UPF2: variants seen among roughly 807,000 people sequenced by gnomAD.
UPF2 encodes regulator of nonsense transcripts 2.
Under a neutral mutation model 141.4 loss-of-function variants are expected in UPF2, and 17 were observed. The ratio of observed to expected loss-of-function variants is 0.12; its 90% CI spans 0.08 to 0.18. The LOEUF (loss-of-function observed/expected upper bound fraction) is 0.18. Among genes scored for constraint, UPF2 ranks in the 10% least tolerant of loss-of-function variants. The pLI, the probability that UPF2 is intolerant of heterozygous loss-of-function variation, is 1.00. For synonymous variants in UPF2, 540 were observed against 498.0 expected (o/e 1.08, Z -1.12); for missense variants, 1,152 against 1,515.9 (o/e 0.76, Z 3.99).
intron 18 of UPF2, among the ~76,000 whole-genome samples, chr10:11,937,373 AATG>A (rs1435810300): frequency 4.6e-5 from 7 of 152,210 alleles, no homozygotes; most frequent in African/African-American, 1.7e-4. Context: ...ATACAGAAAC[AATG>A]ATGATGATAC....
At position 12,035,297 on chromosome 10, in the gene UPF2, G is replaced by C; in HGVS notation, c.127C>G (p.Leu43Val). The change falls in exon 2 of 22, where the codon CTC (leucine) becomes GTC (valine). Residue 43 changes from leucine (L) to valine (V), a missense_variant. By Grantham distance (32) the Leu-to-Val change is conservative. Around this residue, in one of 4 missense-constraint regions of UPF2, gnomAD observed 145 missense variants for 136.5 expected, o/e 1.06. Transcript: ENST00000357604. ...TTGCTGACCTCCTTCTTGGCAGTGA[G>C]CTTGATATCGTCTTTTGGCCTCTCC... The part of the protein sequence containing the change: ...SKERPKDDIK[L>V]TAKKEVSKAP... 1 of 1,613,998 alleles carries C rather than the reference G, an allele frequency of 6.2e-7. No individual in the cohort carries two copies. Among genetic ancestry groups the C allele is most frequent in the Non-Finnish European group, 8.5e-7 (1 of 1,180,012 alleles).
At chr10:11,954,688 A>G (rs923166168) in intron 14 of UPF2, among the ~76,000 whole-genome samples, 17 of 148,660 alleles carry the variant, frequency 1.1e-4, no homozygotes, top group Non-Finnish European at 2.2e-4. Context: ...TAGAAACAAG[A>G]ATTTGGGCTG....
At chr10:12,032,524 G>C (rs1253026839) in intron 2 of UPF2, among the ~76,000 whole-genome samples, 3 of 151,774 alleles carry the variant, frequency 2.0e-5, no homozygotes, top group Admixed American at 2.0e-4. Context: ...TTTCCCAGGA[G>C]CTCAGGAGTT....
intron 14 of UPF2, among the ~76,000 whole-genome samples, chr10:11,954,348 T>C (rs755954192): frequency 6.6e-6 from 1 of 151,684 alleles, no homozygotes; most frequent in Non-Finnish European, 1.5e-5. Flanking sequence ...TAAAAAAAAA[T>C]TAGGCTGGGC....
At chr10:12,009,981 G>C (rs1834100386) in intron 4 of UPF2, among the ~76,000 whole-genome samples, 1 of 152,102 alleles carries the variant, frequency 6.6e-6, no homozygotes, top group Admixed American at 6.6e-5. Flanking sequence ...ATGGGACCAG[G>C]AATAGTCTGT....
rs1304737629 is a variant in UPF2 at position 11,995,111 on chromosome 10, C to T, written c.1844+2561G>A. Among the ~76,000 whole-genome samples, 5 of 111,020 alleles carry T rather than the reference C, an allele frequency of 4.5e-5. 1 individual carries two copies. In the East Asian group the frequency reaches 8.1e-4, roughly 18 times the overall value. 72.8% of individuals were successfully genotyped at this position (111,020 alleles called of 152,430 possible). A position where few individuals can be genotyped will look rare whatever the true frequency, so the allele number is the denominator to read the frequency against. Reference sequence around the variant, plus strand: ...ACATGAAGTGCTATAAAGAATACCTCTATCTACACAAGGGAAAAAAGGAAG... The same window carrying T: ...ACATGAAGTGCTATAAAGAATACCTTTATCTACACAAGGGAAAAAAGGAAG... On this transcript the variant is annotated intron_variant, in intron 8 of 21. Transcript: ENST00000357604.
At chr10:12,033,201 A>G (rs1006190881) in intron 2 of UPF2, among the ~76,000 whole-genome samples, 11 of 152,118 alleles carry the variant, frequency 7.2e-5, no homozygotes, top group African/African-American at 1.2e-4. Context: ...CTCAGCAATT[A>G]CAGACTAACT....
intron 6 of UPF2, 105 bp downstream of exon 6, chr10:12,001,571 G>A: frequency 1.8e-6 from 2 of 1,141,670 alleles, no homozygotes; most frequent in East Asian, 5.3e-5. Context: ...AGAAAAACAA[G>A]GAATTAAAAA....
In UPF2 at chr10:11,979,134, C is replaced by A; in HGVS notation, c.1876G>T (p.Val626Phe). Residue 626 changes from valine (V) to phenylalanine (F), a missense_variant, in exon 9 of 22, where the codon GTT becomes TTT. By Grantham distance (50) the Val-to-Phe change is conservative. Coordinates refer to ENST00000357604, the MANE Select transcript of UPF2 (RefSeq NM_015542.4). The surrounding 1 kb of genome is among the most constrained non-coding windows in gnomAD (Gnocchi z 6.2). Reference protein sequence around the residue: ...LDLLPFYARLVATLHPCMSDV... With the variant: ...LDLLPFYARLFATLHPCMSDV... ...GACATGCAGGGATGCAATGTAGCAA[C>A]CAATCTTGCATAAAATGGTAGCAAA... The A allele has an allele frequency of 6.2e-7, 1 of 1,613,244 alleles. No homozygotes were observed. The highest frequency in any genetic ancestry group is 8.5e-7 in the Non-Finnish European group (1 of 1,179,496).
intron 12 of UPF2, among the ~76,000 whole-genome samples, chr10:11,957,666 G>A (rs1205204279): frequency 6.6e-6 from 1 of 151,738 alleles, no homozygotes. Flanking sequence ...ACAGGCATGC[G>A]CCAACACACT....
At chr10:11,927,518 A>G (rs1832728086) in intron 21 of UPF2, among the ~76,000 whole-genome samples, 1 of 152,362 alleles carries the variant, frequency 6.6e-6, no homozygotes. Context: ...ATATATTTAA[A>G]GCTACTCTAA....
intron 16 of UPF2, 33 bp from the exon 17 acceptor site, chr10:11,943,201 C>G: frequency 6.6e-7 from 1 of 1,514,060 alleles, no homozygotes; most frequent in East Asian, 2.3e-5. Flanking sequence ...GATTAAATAA[C>G]TTTTCGAAGT....
intron 5 of UPF2, among the ~76,000 whole-genome samples, chr10:12,004,255 C>G (rs1182360348): frequency 6.6e-6 from 1 of 152,118 alleles, no homozygotes; most frequent in African/African-American, 2.4e-5. Flanking sequence ...TGCATCTTAC[C>G]AAGACCTCAC....
At position 11,979,202 on chromosome 10, in the gene UPF2, A is replaced by T; in HGVS notation, c.1845-37T>A. 6.8e-7 allele frequency: 1 copy of T among 1,468,434 alleles called. No homozygotes were observed. 91.0% of individuals were successfully genotyped at this position (1,468,434 alleles called of 1,614,324 possible). The stretch of plus-strand genomic sequence containing the variant: ...ATATGTGATATGTGTCAAAGGAAAG[A>T]CATATCAAAAATAATTCATTTTAAA... On this transcript the variant is annotated intron_variant, in intron 8 of 21. Coordinates refer to ENST00000357604, the MANE Select transcript of UPF2 (RefSeq NM_015542.4). The surrounding 1 kb of genome is among the most constrained non-coding windows in gnomAD (Gnocchi z 6.2).
Position 11,998,892 on chromosome 10 carries a change from G to T in UPF2, c.1758+1014C>A, listed in dbSNP as rs984612457. Among the ~76,000 whole-genome samples, 1 of 151,904 alleles carries T rather than the reference G, an allele frequency of 6.6e-6. No individual in the cohort carries two copies. The highest frequency in any genetic ancestry group is 2.4e-5 in the African/African-American group (1 of 41,370). On this transcript the variant is annotated intron_variant, in intron 7 of 21. Coordinates refer to ENST00000357604, the MANE Select transcript of UPF2 (RefSeq NM_015542.4). The surrounding 1 kb of genome is among the most constrained non-coding windows in gnomAD (Gnocchi z 4.5). ...ATAAAAAGATTAGCTGGGCGTGGTG[G>T]TGCACGCCTGTAGTCCCAGCTACTC...
At position 12,014,618 on chromosome 10, in the gene UPF2, T is replaced by C. The variant is rs1834187234; in HGVS notation, c.1146-434A>G. On this transcript the variant is annotated intron_variant, in intron 3 of 21. Transcript: ENST00000357604. The surrounding 1 kb of genome is among the most constrained non-coding windows in gnomAD (Gnocchi z 5.0). ...ATCAGAAATATCATATTTAACAATA[T>C]ATCACAAAATAATCAAAAATTATTT... Among the ~76,000 whole-genome samples the C allele has an allele frequency of 6.6e-6, 1 of 152,198 alleles. No individual in the cohort carries two copies. The highest frequency in any genetic ancestry group is 6.5e-5 in the Admixed American group (1 of 15,270).
intron 21 of UPF2, chr10:11,928,733 T>C: frequency 2.9e-6 from 1 of 348,552 alleles, no homozygotes; most frequent in Non-Finnish European, 5.6e-6. Context: ...CTAAAAACCA[T>C]AAAAGAGGTC....
intron 3 of UPF2, among the ~76,000 whole-genome samples, chr10:12,023,371 T>C (rs1322705397): frequency 6.6e-6 from 1 of 151,916 alleles, no homozygotes; most frequent in East Asian, 1.9e-4. Flanking sequence ...TTAACCAAAA[T>C]GTATAACAAA....
intron 8 of UPF2, among the ~76,000 whole-genome samples, chr10:11,988,942 T>C (rs1373013370): frequency 2.0e-5 from 3 of 152,184 alleles, no homozygotes; most frequent in African/African-American, 7.2e-5. Context: ...TGGCACTTGA[T>C]TACTATCTTT....
Sources: gnomAD v4.1 joint callset for allele counts (sites outside exome capture counted in the v4.1 genomes callset) on GRCh38, gnomAD v4.1.1 for gene constraint, gnomAD v4.1.1 regional missense constraint, Gnocchi (gnomAD v3.1) non-coding constraint, MANE v1.5 for transcripts, NCBI Gene and HGNC (gene_info 2026-07-23, HGNC 2026-07-21) for gene names.